Variants in WDR49 observed in about 807,000 individuals in gnomAD.
The protein encoded by WDR49 is cilia- and flagella-associated protein 337.
A neutral mutation model predicts 119.5 loss-of-function variants in WDR49; 107 were observed. The ratio of observed to expected loss-of-function variants is 0.90; its 90% confidence interval spans 0.77 to 1.05. WDR49 has a LOEUF of 1.05. Ranked by LOEUF, WDR49 falls within the 50% of genes least tolerant of loss-of-function variation. The pLI, the probability that WDR49 is intolerant of heterozygous loss-of-function variation, is 0.00. For synonymous variants in WDR49, 425 were observed against 418.8 expected (o/e 1.01, Z -0.18); for missense variants, 1,240 against 1,220.5 (o/e 1.02, Z -0.24).
intron 10 of WDR49, among the ~76,000 whole-genome samples, chr3:167,546,329 C>T (rs1478434970): frequency 1.3e-5 from 2 of 151,920 alleles, no homozygotes; most frequent in South Asian, 4.1e-4. Flanking sequence ...CCCTCAAAAC[C>T]TAACCTGAAA....
At chr3:167,593,944 C>T (rs1474427549) in intron 7 of WDR49, among the ~76,000 whole-genome samples, 1 of 152,156 alleles carries the variant, frequency 6.6e-6, no homozygotes, top group Non-Finnish European at 1.5e-5. Flanking sequence ...GCCTCTCCTG[C>T]TACCATGTAA....
intron 16 of WDR49, among the ~76,000 whole-genome samples, chr3:167,515,195 C>A (rs1471363751): frequency 2.6e-5 from 4 of 151,852 alleles, no homozygotes; most frequent in African/African-American, 9.7e-5. Flanking sequence ...GAAAAAAGAA[C>A]TTCAGCCAAT....
In WDR49 at chr3:167,627,078, G is replaced by A; in HGVS notation, c.380C>T (p.Pro127Leu). 7.8e-7 allele frequency: 1 copy of A among 1,288,658 alleles called. No individual in the cohort carries two copies. 79.8% of individuals were successfully genotyped at this position (1,288,658 alleles called of 1,614,324 possible). A position where few individuals can be genotyped will look rare whatever the true frequency, so the allele number is the denominator to read the frequency against. Residue 127 changes from proline (P) to leucine (L), a missense_variant, in exon 3 of 19, where the codon CCC (proline) becomes CTC (leucine). Physicochemically the swap from Pro to Leu is moderately conservative, Grantham distance 98. Transcript: ENST00000682715. The part of the protein sequence containing the change: ...QDERAKATVV[P>L]QWKDLEFLPV... ...GAGGAATTCAAGGTCCTTCCACTGG[G>A]GCACCACAGTTGCCTTTGCTCGTTC...
chr3:167,531,048 G>T, intron 13 of WDR49, 67 bp downstream of exon 13: 1 of 1,514,792 alleles, frequency 6.6e-7, no homozygotes, highest in South Asian at 1.2e-5. Context: ...AGATCTAGTA[G>T]AAATAGATTG....
chr3:167,619,246 A>G (rs1350534717), intron 5 of WDR49, among the ~76,000 whole-genome samples: 2 of 152,174 alleles, frequency 1.3e-5, no homozygotes, highest in African/African-American at 4.8e-5. Flanking sequence ...ATATGAATAC[A>G]AATAAAAGAA....
chr3:167,605,363 A>T (rs1346226956), intron 5 of WDR49, among the ~76,000 whole-genome samples: 1 of 152,104 alleles, frequency 6.6e-6, no homozygotes, highest in Non-Finnish European at 1.5e-5. Flanking sequence ...TTTCTAACTA[A>T]ATTAATGATG....
At chr3:167,566,539 A>G (rs1713610139) in intron 8 of WDR49, among the ~76,000 whole-genome samples, 1 of 152,144 alleles carries the variant, frequency 6.6e-6, no homozygotes, top group Non-Finnish European at 1.5e-5. Context: ...TTAAATATTG[A>G]GTTATTAAAT....
intron 9 of WDR49, among the ~76,000 whole-genome samples, chr3:167,559,342 G>C (rs897480400): frequency 6.6e-6 from 1 of 152,128 alleles, no homozygotes; most frequent in Non-Finnish European, 1.5e-5. Context: ...AATGGCACAA[G>C]CCATTTCCAA....
intron 10 of WDR49, among the ~76,000 whole-genome samples, chr3:167,548,228 A>T (rs1280024224): frequency 6.6e-6 from 1 of 151,996 alleles, no homozygotes; most frequent in African/African-American, 2.4e-5. Context: ...ATTATACAGG[A>T]TGACACTAAG....
intron 8 of WDR49, among the ~76,000 whole-genome samples, chr3:167,575,491 G>T (rs2108283503): frequency 6.6e-6 from 1 of 152,318 alleles, no homozygotes; most frequent in Non-Finnish European, 1.5e-5. Flanking sequence ...TGAACCACTG[G>T]TGTAAAATAT....
At chr3:167,540,931 A>C (rs1711779269) in intron 10 of WDR49, among the ~76,000 whole-genome samples, 1 of 152,114 alleles carries the variant, frequency 6.6e-6, no homozygotes, top group African/African-American at 2.4e-5. Context: ...CAACAATAGA[A>C]TCAAACAAGT....
intron 18 of WDR49, among the ~76,000 whole-genome samples, chr3:167,495,745 T>C (rs927711094): frequency 2.0e-5 from 3 of 151,752 alleles, no homozygotes; most frequent in African/African-American, 2.4e-5. Flanking sequence ...CTTAGACTCA[T>C]CACAGTAAAA....
intron 7 of WDR49, among the ~76,000 whole-genome samples, chr3:167,600,261 A>G (rs1715696406): frequency 6.6e-6 from 1 of 152,000 alleles, no homozygotes; most frequent in African/African-American, 2.4e-5. Context: ...TGTCTCAGTA[A>G]GTCATGTCCC....
At chr3:167,613,041 T>C (rs901802431) in intron 5 of WDR49, among the ~76,000 whole-genome samples, 4 of 152,294 alleles carry the variant, frequency 2.6e-5, no homozygotes, top group African/African-American at 7.2e-5. Context: ...AAATAACTTA[T>C]AGAGTGTAAT....
intron 11 of WDR49, among the ~76,000 whole-genome samples, chr3:167,533,424 G>C (rs888230607): frequency 6.6e-6 from 1 of 152,098 alleles, no homozygotes; most frequent in Non-Finnish European, 1.5e-5. Context: ...ATAGCACTGA[G>C]CATATTGTAA....
chr3:167,637,205 A>T (rs893153434), intron 2 of WDR49, among the ~76,000 whole-genome samples: 2 of 151,778 alleles, frequency 1.3e-5, no homozygotes, highest in Non-Finnish European at 3.0e-5. Flanking sequence ...TCATTCTCCT[A>T]CATGTGGCTT....
At position 167,627,213 on chromosome 3, in the gene WDR49, G is replaced by T. The variant is rs760553360; in HGVS notation, c.245C>A (p.Thr82Lys). ...QKMTEIVGWG[T>K]KEEYGELFDK... ...AAAGAGCTCCCCATATTCTTCCTTC[G>T]TGCCCCAACCAACAATCTCTGTCAT... The change falls in exon 3 of 19, where the codon ACG becomes AAG. Residue 82 changes from threonine (T) to lysine (K), a missense_variant. Transcript: ENST00000682715. 4 of 1,251,676 alleles carry T rather than the reference G, an allele frequency of 3.2e-6. No individual in the cohort carries two copies. The highest frequency in any genetic ancestry group is 4.0e-6 in the Non-Finnish European group (4 of 998,602). The allele number at this position is 1,251,676 out of a possible 1,614,324, so 77.5% of individuals were successfully genotyped here.
intron 15 of WDR49, among the ~76,000 whole-genome samples, chr3:167,527,193 G>A (rs193107174): frequency 6.6e-6 from 1 of 152,206 alleles, no homozygotes; most frequent in African/African-American, 2.4e-5. Flanking sequence ...GCTTCTGTGA[G>A]CTCAGGTGAT....
chr3:167,651,720 C>G (rs528602251), intron 2 of WDR49, among the ~76,000 whole-genome samples: 1 of 151,942 alleles, frequency 6.6e-6, no homozygotes, highest in Non-Finnish European at 1.5e-5. Flanking sequence ...CTTTTCCAAC[C>G]GGTAATGTCA....
Sources: gnomAD v4.1 joint callset for allele counts (sites outside exome capture counted in the v4.1 genomes callset) on GRCh38, gnomAD v4.1.1 for gene constraint, MANE v1.5 for transcripts, NCBI Gene and HGNC (gene_info 2026-07-23, HGNC 2026-07-21) for gene names.